The following PTPN4 variants were observed in gnomAD, a reference collection of about 807,000 sequenced individuals.
PTPN4 encodes tyrosine-protein phosphatase non-receptor type 4.
PTPN4 carries 49 observed loss-of-function variants against 135.5 expected under a neutral mutation model. The observed-to-expected ratio is 0.36, with a 90% CI of 0.29 to 0.46. The LOEUF (loss-of-function observed/expected upper bound fraction) is 0.46. PTPN4 is among the 20% of genes least tolerant of loss of function. The probability of loss-of-function intolerance (pLI) is 1.00; values close to 1 mark genes in which losing one functional copy is unlikely to be tolerated. For missense variants in PTPN4, 860 were observed against 1,101.0 expected (o/e 0.78, Z 3.10); for synonymous variants, 333 against 369.9 (o/e 0.90, Z 1.14).
chr2:119,789,381 C>T (rs542721674), intron 1 of PTPN4, among the ~76,000 whole-genome samples: 1 of 152,098 alleles, frequency 6.6e-6, no homozygotes, highest in Non-Finnish European at 1.5e-5. Flanking sequence ...TTTTAAAAAT[C>T]GCTTTCTTGA....
chr2:119,893,207 G>C (rs967236361), intron 9 of PTPN4, among the ~76,000 whole-genome samples: 2 of 152,156 alleles, frequency 1.3e-5, no homozygotes, highest in Non-Finnish European at 2.9e-5. Flanking sequence ...AAAGGTAATG[G>C]TTCTTGTAGT....
intron 14 of PTPN4, among the ~76,000 whole-genome samples, chr2:119,934,405 C>T (rs1678951452): frequency 1.3e-5 from 2 of 151,944 alleles, no homozygotes; most frequent in African/African-American, 4.8e-5. Flanking sequence ...TCTAAGGCTT[C>T]AAAGAAAGTC....
At chr2:119,960,775 A>T in intron 22 of PTPN4, 32 bp from the exon 23 acceptor site, 1 of 1,599,232 alleles carries the variant, frequency 6.3e-7, no homozygotes, top group Non-Finnish European at 8.5e-7. Flanking sequence ...AGTAATGCAA[A>T]ACATTTTATT....
Position 119,877,469 on chromosome 2 carries a change from T to A in PTPN4, c.295T>A (p.Ser99Thr). 6.2e-7 allele frequency: 1 copy of A among 1,610,176 alleles called. No homozygotes were observed. Among genetic ancestry groups the A allele is most frequent in the Non-Finnish European group, 8.5e-7 (1 of 1,178,744 alleles). ...KPIRKQLKRGSPYSLNFRVKF... is the reference protein window; with the variant it reads ...KPIRKQLKRGTPYSLNFRVKF... ...ACTACTTTTATTAATTCTAGGAGGA[T>A]CTCCTTACAGTTTGAACTTTAGAGT... The change falls in exon 5 of 27, where the codon TCT becomes ACT. Residue 99 changes from serine to threonine, a missense_variant. Ser to Thr is a moderately conservative substitution (Grantham distance 58). Around this residue, in one of 2 missense-constraint regions of PTPN4, gnomAD observed 684 missense variants for 807.0 expected, o/e 0.85. Coordinates refer to ENST00000263708, the MANE Select transcript of PTPN4 (RefSeq NM_002830.4).
intron 26 of PTPN4, among the ~76,000 whole-genome samples, chr2:119,976,545 G>T (rs1269539099): frequency 6.6e-6 from 1 of 151,952 alleles, no homozygotes; most frequent in African/African-American, 2.4e-5. Flanking sequence ...TAGTCACCTG[G>T]TCCCTGTTGA....
chr2:119,790,199 A>G (rs1214737827), intron 1 of PTPN4, among the ~76,000 whole-genome samples: 1 of 152,052 alleles, frequency 6.6e-6, no homozygotes, highest in African/African-American at 2.4e-5. Flanking sequence ...TTTGTTGGTC[A>G]TAGTGTTCTA....
intron 2 of PTPN4, among the ~76,000 whole-genome samples, chr2:119,842,858 TTG>T (rs34432793): frequency 1.6e-4 from 24 of 150,334 alleles, no homozygotes; most frequent in South Asian, 2.1e-4. Flanking sequence ...ATGCTGTCAT[TTG>T]TGTGTGTGTG....
intron 1 of PTPN4, among the ~76,000 whole-genome samples, chr2:119,798,375 C>T (rs1288274536): frequency 6.6e-6 from 1 of 152,090 alleles, no homozygotes; most frequent in Non-Finnish European, 1.5e-5. Context: ...CCATGTTGGC[C>T]AGGCTGGTCT....
chr2:119,825,057 C>G (rs1677127057), intron 2 of PTPN4, among the ~76,000 whole-genome samples: 1 of 152,156 alleles, frequency 6.6e-6, no homozygotes, highest in South Asian at 2.1e-4. Flanking sequence ...AGGGTCTTTC[C>G]TACGTATATA....
chr2:119,856,598 CA>C (rs1419791599), intron 2 of PTPN4, among the ~76,000 whole-genome samples: 1 of 152,186 alleles, frequency 6.6e-6, no homozygotes, highest in Non-Finnish European at 1.5e-5. Flanking sequence ...TTAAACTGAG[CA>C]AACCACTTAG....
intron 3 of PTPN4, among the ~76,000 whole-genome samples, chr2:119,865,927 G>A (rs571419868): frequency 3.9e-5 from 6 of 152,064 alleles, no homozygotes; most frequent in Non-Finnish European, 8.8e-5. Flanking sequence ...AATAATAGCT[G>A]ACGGTCTTTT....
Position 119,979,289 on chromosome 2 carries a change from C to T in PTPN4, c.*2219C>T, listed in dbSNP as rs2105071004. The T allele has an allele frequency of 6.6e-6, 1 of 152,208 alleles. No homozygotes were observed. The highest frequency in any genetic ancestry group is 2.4e-5 in the African/African-American group (1 of 41,564). 9.4% of individuals were successfully genotyped at this position (152,208 alleles called of 1,614,324 possible). ...TGTATAGATGTAAAGAGACAAAAGTCATGGTTGGCATGTTCTTTAATTTAG... is the reference window on the plus strand; with the variant it reads ...TGTATAGATGTAAAGAGACAAAAGTTATGGTTGGCATGTTCTTTAATTTAG... On this transcript the variant is annotated 3_prime_UTR_variant, in exon 27 of 27. Transcript: ENST00000263708.
At chr2:119,822,745 T>C (rs948520586) in intron 2 of PTPN4, among the ~76,000 whole-genome samples, 23 of 152,214 alleles carry the variant, frequency 1.5e-4, no homozygotes, top group Middle Eastern at 3.4e-3. Flanking sequence ...TCTTTTTTTT[T>C]CCCCCTCAAA....
intron 2 of PTPN4, among the ~76,000 whole-genome samples, chr2:119,831,137 A>T (rs762743589): frequency 1.3e-5 from 2 of 152,098 alleles, no homozygotes; most frequent in Non-Finnish European, 2.9e-5. Context: ...GGAGTTTGCA[A>T]CCTAGATCCC....
At chr2:119,875,263 A>C (rs1182620078) in intron 3 of PTPN4, among the ~76,000 whole-genome samples, 1 of 152,168 alleles carries the variant, frequency 6.6e-6, no homozygotes, top group Non-Finnish European at 1.5e-5. Context: ...TAAACCAAGA[A>C]CCTTAACCCT....
intron 1 of PTPN4, among the ~76,000 whole-genome samples, chr2:119,779,062 C>T (rs1690890527): frequency 6.6e-6 from 1 of 151,788 alleles, no homozygotes; most frequent in Non-Finnish European, 1.5e-5. Flanking sequence ...AATTTTTTTT[C>T]CTTCTACAGG....
rs537829525 is a variant in PTPN4, at chr2:119,878,953, T to C, written c.368+1411T>C. On this transcript the variant is annotated intron_variant, in intron 5 of 26. Coordinates refer to ENST00000263708, the MANE Select transcript of PTPN4 (RefSeq NM_002830.4). ...CTAAAAATACAAAAAATTAGCCGGG[T>C]GTGGTGGCAGGCGCCTGTAGTCCCA... is the stretch of plus-strand genomic sequence containing the variant. Among the ~76,000 whole-genome samples the C allele has an allele frequency of 7.4e-4, 112 of 150,568 alleles. 1 individual carries two copies. The highest frequency in any genetic ancestry group is 1.5e-3 in the African/African-American group (61 of 41,130).
chr2:119,817,767 G>A (rs1677009330), intron 2 of PTPN4, among the ~76,000 whole-genome samples: 1 of 152,124 alleles, frequency 6.6e-6, no homozygotes, highest in Non-Finnish European at 1.5e-5. Context: ...GTATGACCAT[G>A]TTAACGATAT....
chr2:119,905,254 C>T (rs1678470563), intron 10 of PTPN4, among the ~76,000 whole-genome samples: 1 of 152,204 alleles, frequency 6.6e-6, no homozygotes, highest in East Asian at 1.9e-4. Context: ...AGAAACTCAA[C>T]TTCACCTGTA....
Sources: allele counts gnomAD v4.1 joint callset (sites outside exome capture counted in the v4.1 genomes callset), GRCh38; gene constraint gnomAD v4.1.1; regional missense constraint gnomAD v4.1.1; transcripts MANE v1.5; gene names NCBI Gene and HGNC (gene_info 2026-07-23, HGNC 2026-07-21).